Variants in CENPE observed in about 807,000 individuals in gnomAD.
CENPE encodes centromere protein E.
In CENPE, 145 loss-of-function variants were observed where a neutral mutation model predicts 336.1. The ratio of observed to expected loss-of-function variants is 0.43; its 90% CI spans 0.38 to 0.50. The LOEUF (loss-of-function observed/expected upper bound fraction) is 0.50. CENPE is among the 20% of genes least tolerant of loss of function. The pLI is 0.00. For synonymous variants in CENPE, 1,013 were observed against 984.8 expected (o/e 1.03, Z -0.54); for missense variants, 2,719 against 3,023.3 (o/e 0.90, Z 2.36).
chr4:103,181,893 A>G (rs996095294), intron 11 of CENPE: 1 of 155,088 alleles, frequency 6.4e-6, no homozygotes, highest in Non-Finnish European at 1.4e-5. Context: ...CTGTTAAGCC[A>G]GGGACTCTAG....
chr4:103,135,360 C>T (rs1386039518), intron 40 of CENPE, among the ~76,000 whole-genome samples: 1 of 152,170 alleles, frequency 6.6e-6, no homozygotes, highest in Non-Finnish European at 1.5e-5. Context: ...ATTAAACAAT[C>T]TCCTGCCTCA....
rs537927878 is a variant in CENPE at position 103,114,317 on chromosome 4, T to A, written c.7540+138A>T. ...AAGATATCTGGAAATATGGTTCCAATAAATTCATTTAAAAATAGATTAGTG... is the reference window on the plus strand; with the variant it reads ...AAGATATCTGGAAATATGGTTCCAAAAAATTCATTTAAAAATAGATTAGTG... On this transcript the variant is annotated intron_variant, in intron 46 of 48. Transcript: ENST00000265148. 2.3e-4 allele frequency: 130 copies of A among 565,716 alleles called. 1 individual carries two copies. Among genetic ancestry groups the A allele is most frequent in the African/African-American group, 2.2e-3 (118 of 53,036 alleles). 35.0% of individuals were successfully genotyped at this position (565,716 alleles called of 1,614,324 possible).
At chr4:103,196,673 G>A in intron 2 of CENPE, 86 bp downstream of exon 2, 1 of 686,292 alleles carries the variant, frequency 1.5e-6, no homozygotes, top group South Asian at 1.9e-5. Flanking sequence ...AATCTTTAGT[G>A]ACAAATCTAA....
intron 46 of CENPE, among the ~76,000 whole-genome samples, chr4:103,111,788 T>C (rs1749454471): frequency 6.6e-6 from 1 of 152,178 alleles, no homozygotes; most frequent in Non-Finnish European, 1.5e-5. Flanking sequence ...GTGGTTATCC[T>C]GTAACAGACA....
At chr4:103,190,468 G>C (rs1363363415) in intron 8 of CENPE, among the ~76,000 whole-genome samples, 1 of 152,168 alleles carries the variant, frequency 6.6e-6, no homozygotes, top group Non-Finnish European at 1.5e-5. Context: ...GAAAGGAACA[G>C]AGCCCTCAGA....
rs777778012 is a variant in CENPE, at chr4:103,144,354, T to C, written c.5122A>G (p.Asn1708Asp). Residue 1708 changes from asparagine to aspartate, a missense_variant, in exon 33 of 49, where the codon AAC (asparagine) becomes GAC (aspartate). Physicochemically the swap from Asn to Asp is conservative, Grantham distance 23. Coordinates refer to ENST00000265148, the MANE Select transcript of CENPE (RefSeq NM_001813.3). Reference sequence around the variant, plus strand: ...ACTCTAGTTATAGTTTCTCTAAGGTTTTCCTTGAGCTGGTCTCTCTCTACT... The same window carrying C: ...ACTCTAGTTATAGTTTCTCTAAGGTCTTCCTTGAGCTGGTCTCTCTCTACT... ...LKVERDQLKE[N>D]LRETITRDLE... The C allele has an allele frequency of 5.0e-6, 8 of 1,608,190 alleles. No homozygotes were observed. Among genetic ancestry groups the C allele is most frequent in the Non-Finnish European group, 6.8e-6 (8 of 1,178,422 alleles).
rs768476761 is a variant in CENPE, at chr4:103,145,223, A to ATGCTCT, written c.4683_4684insAGAGCA (p.Asp1561_Ser1562insArgAla). 1 of 1,613,750 alleles carries ATGCTCT rather than the reference A, an allele frequency of 6.2e-7. No homozygotes were observed. The highest frequency in any genetic ancestry group is 1.7e-5 in the Admixed American group (1 of 60,014). Reference sequence around the variant, plus strand: ...TTACTTTCTATACTTTGTAGTGCTGAATCCTTGGCTTTGCGATGCTCCTTG... The same window carrying ATGCTCT: ...TTACTTTCTATACTTTGTAGTGCTGATGCTCTATCCTTGGCTTTGCGATGCTCCTTG... On this transcript the variant is annotated inframe_insertion, in exon 32 of 49. Coordinates refer to ENST00000265148, the MANE Select transcript of CENPE (RefSeq NM_001813.3).
Position 103,145,959 on chromosome 4 carries a change from T to C in CENPE, c.4283A>G (p.Lys1428Arg). 6.2e-7 allele frequency: 1 copy of C among 1,614,004 alleles called. No individual in the cohort carries two copies. Among genetic ancestry groups the C allele is most frequent in the African/African-American group, 1.3e-5 (1 of 75,036 alleles). The stretch of plus-strand genomic sequence containing the variant: ...TTCATCATGACTTTCTTGAAGTCTT[T>C]TGGACAATCCGAGCATTTCTATTTC... ...RIEIEMLGLSKRLQESHDEMK... is the reference protein window; with the variant it reads ...RIEIEMLGLSRRLQESHDEMK... Residue 1428 changes from lysine to arginine, a missense_variant, in exon 30 of 49, where the codon AAA (lysine) becomes AGA (arginine). Coordinates refer to ENST00000265148, the MANE Select transcript of CENPE (RefSeq NM_001813.3).
chr4:103,136,417 T>C, intron 39 of CENPE, 58 bp from the exon 40 acceptor site: 1 of 1,170,390 alleles, frequency 8.5e-7, no homozygotes, highest in Non-Finnish European at 1.2e-6. Flanking sequence ...TCACAATAAG[T>C]AGTTACAACT....
At position 103,177,097 on chromosome 4, in the gene CENPE, A is replaced by T. The variant is rs1339301254; in HGVS notation, c.1243-51T>A. On this transcript the variant is annotated intron_variant, in intron 13 of 48. Coordinates refer to ENST00000265148, the MANE Select transcript of CENPE (RefSeq NM_001813.3). ...GTCATATAGATCTGTATTCAAACAT[A>T]ATAAAACAAGGGAACTAGTTTCTAT... 2.8e-6 allele frequency: 4 copies of T among 1,437,178 alleles called. No homozygotes were observed. The African/African-American group carries it at 4.3e-5, about 16-fold the overall frequency. 89.0% of individuals were successfully genotyped at this position (1,437,178 alleles called of 1,614,324 possible). A position where few individuals can be genotyped will look rare whatever the true frequency, so the allele number is the denominator to read the frequency against.
chr4:103,114,386 T>C, intron 46 of CENPE, 69 bp downstream of exon 46: 1 of 902,180 alleles, frequency 1.1e-6, no homozygotes, highest in Admixed American at 1.8e-5. Flanking sequence ...TACATAATAT[T>C]AGTCTTCAAA....
intron 46 of CENPE, among the ~76,000 whole-genome samples, chr4:103,113,043 T>C (rs562925369): frequency 3.9e-4 from 41 of 106,162 alleles, no homozygotes; most frequent in African/African-American, 1.5e-3. Context: ...TGTATATATA[T>C]ACTTATAAGT....
In CENPE at chr4:103,158,328, C is replaced by T. The variant is rs957684488; in HGVS notation, c.3005G>A (p.Gly1002Glu). ...TTGCTGAAATTCATCTTTAGTTTCT[C>T]CTGTATTTTCCTCCATATGCAAATT... ...SRNLHMEENT[G>E]ETKDEFQQKM... Residue 1002 changes from glycine to glutamate, a missense_variant, in exon 24 of 49, where the codon GGA (glycine) becomes GAA (glutamate). By Grantham distance (98) the Gly-to-Glu change is moderately conservative. Around this residue, in one of 5 missense-constraint regions of CENPE, gnomAD observed 2,437 missense variants for 2,513.3 expected, o/e 0.97. Transcript: ENST00000265148. The T allele has an allele frequency of 3.1e-6, 5 of 1,608,040 alleles. No homozygotes were observed.
At position 103,146,119 on chromosome 4, in the gene CENPE, C is replaced by A; in HGVS notation, c.4135-12G>T. ...TGAGACTCCTGGATCTTAAGAGAATCATAAAACAGTACAGTTGATATCCAG... is the reference window on the plus strand; with the variant it reads ...TGAGACTCCTGGATCTTAAGAGAATAATAAAACAGTACAGTTGATATCCAG... On this transcript the variant is annotated splice_polypyrimidine_tract_variant and intron_variant, in intron 29 of 48. Transcript: ENST00000265148. 6.2e-7 allele frequency: 1 copy of A among 1,608,152 alleles called. No homozygotes were observed. The highest frequency in any genetic ancestry group is 8.5e-7 in the Non-Finnish European group (1 of 1,177,840).
In CENPE at chr4:103,153,088, T is replaced by C; in HGVS notation, c.3196A>G (p.Lys1066Glu). ...TTTAGGTCAGTCTTCAATTGTTCCT[T>C]TTCTGCTATAACACTCTCTAACATT... is the stretch of plus-strand genomic sequence containing the variant. Reference protein sequence around the residue: ...QQMLESVIAEKEQLKTDLKEN... With the variant: ...QQMLESVIAEEEQLKTDLKEN... Residue 1066 changes from lysine (K) to glutamate (E), a missense_variant, in exon 25 of 49, where the codon AAG becomes GAG. This residue lies in a region of CENPE where 2,437 missense variants were observed against 2,513.3 expected (regional missense o/e 0.97). Transcript: ENST00000265148. 3 of 1,613,108 alleles carry C rather than the reference T, an allele frequency of 1.9e-6. No homozygotes were observed. Among genetic ancestry groups the C allele is most frequent in the Non-Finnish European group, 2.5e-6 (3 of 1,179,534 alleles).
At chr4:103,191,133 A>G (rs1354400907) in intron 8 of CENPE, among the ~76,000 whole-genome samples, 2 of 152,304 alleles carry the variant, frequency 1.3e-5, no homozygotes, top group East Asian at 3.9e-4. Flanking sequence ...CAATCGTTAA[A>G]AAGTCAGGGA....
At position 103,132,964 on chromosome 4, in the gene CENPE, A is replaced by T. The variant is rs564598570; in HGVS notation, c.6721-68T>A. On this transcript the variant is annotated intron_variant, in intron 41 of 48. Coordinates refer to ENST00000265148, the MANE Select transcript of CENPE (RefSeq NM_001813.3). ...GTTTTGATCCAAATATTTTATTTATATATATATATATATATATATAAAATA... is the reference window on the plus strand; with the variant it reads ...GTTTTGATCCAAATATTTTATTTATTTATATATATATATATATATAAAATA... The T allele has an allele frequency of 3.8e-5, 7 of 184,584 alleles. 1 individual carries two copies. Among genetic ancestry groups the T allele is most frequent in the South Asian group, 4.0e-4 (2 of 4,970 alleles). 11.4% of individuals were successfully genotyped at this position (184,584 alleles called of 1,614,324 possible).
intron 41 of CENPE, among the ~76,000 whole-genome samples, chr4:103,133,402 T>C (rs1245157150): frequency 1.3e-5 from 2 of 152,118 alleles, no homozygotes; most frequent in African/African-American, 4.8e-5. Context: ...ACATACATGT[T>C]GGGAATTGGA....
intron 40 of CENPE, among the ~76,000 whole-genome samples, chr4:103,135,475 TC>T (rs374869549): frequency 3.0e-3 from 464 of 152,284 alleles, no homozygotes; most frequent in African/African-American, 0.011. Flanking sequence ...TAAACTTCTC[TC>T]CCTTATGTCC....
Sources: gnomAD v4.1 joint callset for allele counts (sites outside exome capture counted in the v4.1 genomes callset) on GRCh38, gnomAD v4.1.1 for gene constraint, gnomAD v4.1.1 regional missense constraint, MANE v1.5 for transcripts, NCBI Gene and HGNC (gene_info 2026-07-23, HGNC 2026-07-21) for gene names.